Variants in SCP2 observed in about 807,000 individuals in gnomAD.
SCP2 encodes sterol carrier protein 2.
SCP2 carries 48 observed loss-of-function variants against 71.4 expected under a neutral mutation model. That is an observed-to-expected ratio of 0.67 (90% confidence interval 0.53 to 0.86). SCP2 has a LOEUF of 0.86. Ranked by LOEUF, SCP2 falls within the 40% of genes least tolerant of loss-of-function variation. The probability of loss-of-function intolerance (pLI) is 0.00; values close to 1 mark genes in which losing one functional copy is unlikely to be tolerated. For missense variants in SCP2, 560 were observed against 655.6 expected (o/e 0.85, Z 1.59); for synonymous variants, 220 against 218.1 (o/e 1.01, Z -0.08).
chr1:53,015,735 T>C (rs779164812), intron 12 of SCP2, among the ~76,000 whole-genome samples: 52 of 152,214 alleles, frequency 3.4e-4, no homozygotes, highest in Non-Finnish European at 6.2e-4. Context: ...AGATCTCTTT[T>C]TCTCCTTGCC....
At chr1:53,030,440 G>A (rs1013165010) in intron 13 of SCP2, among the ~76,000 whole-genome samples, 7 of 152,182 alleles carry the variant, frequency 4.6e-5, no homozygotes, top group Non-Finnish European at 1.0e-4. Flanking sequence ...CCACCAGAAA[G>A]AGAGTACTAA....
chr1:52,982,526 T>A (rs1169170307), intron 10 of SCP2, among the ~76,000 whole-genome samples: 1 of 151,992 alleles, frequency 6.6e-6, no homozygotes, highest in Non-Finnish European at 1.5e-5. Context: ...GCTGATATCA[T>A]ACCACTGCAC....
intron 5 of SCP2, 39 bp from the exon 6 acceptor site, chr1:52,961,464 C>A: frequency 6.2e-7 from 1 of 1,608,754 alleles, no homozygotes; most frequent in South Asian, 1.1e-5. Context: ...AGACACTTAT[C>A]ATGTCAGCTG....
In SCP2 at chr1:52,999,812, C is replaced by CTTTTTTTTTTTT. The variant is rs1557598899; in HGVS notation, c.1081+11678_1081+11679insTTTTTTTTTTTT. ...TATACTATCCAACACTTACTGAACA[C>CTTTTTTTTTTTT]TTGTTTTTTTTTTTTTTTTTTTGAG... On this transcript the variant is annotated intron_variant, in intron 11 of 15. Transcript: ENST00000371514. 1.0e-4 allele frequency among the ~76,000 whole-genome samples: 12 copies of CTTTTTTTTTTTT among 119,918 alleles called. No homozygotes were observed. In the East Asian group the frequency reaches 1.6e-3, roughly 16 times the overall value. The allele number at this position is 119,918 out of a possible 152,430, so 78.7% of individuals were successfully genotyped here.
chr1:52,938,516 T>G (rs1347816549), intron 1 of SCP2, among the ~76,000 whole-genome samples: 1 of 152,208 alleles, frequency 6.6e-6, no homozygotes, highest in East Asian at 1.9e-4. Context: ...TTCAGAATTA[T>G]GCTAGTTGGT....
chr1:52,980,578 A>C (rs373698541), intron 10 of SCP2, 35 bp downstream of exon 10: 1 of 1,588,414 alleles, frequency 6.3e-7, no homozygotes. Flanking sequence ...TAATTCAGTA[A>C]ATTTCACTGA....
Position 53,013,421 on chromosome 1 carries a change from T to TG in SCP2, c.1082-1469_1082-1468insG, listed in dbSNP as rs1661111993. Among the ~76,000 whole-genome samples the TG allele has an allele frequency of 1.4e-4, 16 of 117,192 alleles. No homozygotes were observed. The South Asian group carries it at 4.2e-3, about 31-fold the overall frequency. 76.9% of individuals were successfully genotyped at this position (117,192 alleles called of 152,430 possible). A position where few individuals can be genotyped will look rare whatever the true frequency, so the allele number is the denominator to read the frequency against. ...GAATATAGTGAAACCCCGTCTCTACTAAAAAAAAAAAAAAAAAAAAAAAAA... is the reference window on the plus strand; with the variant it reads ...GAATATAGTGAAACCCCGTCTCTACTGAAAAAAAAAAAAAAAAAAAAAAAAA... On this transcript the variant is annotated intron_variant, in intron 11 of 15. Transcript: ENST00000371514.
chr1:53,028,176 T>A, intron 13 of SCP2, 105 bp downstream of exon 13: 1 of 690,160 alleles, frequency 1.4e-6, no homozygotes, highest in Non-Finnish European at 2.7e-6. Context: ...ATTTATATCA[T>A]GTTGTCAAGT....
chr1:52,930,363 G>T (rs12093036), intron 1 of SCP2, among the ~76,000 whole-genome samples: 5,321 of 152,006 alleles, frequency 0.035, 325 homozygotes, highest in African/African-American at 0.12. Flanking sequence ...GGTAGCTCAT[G>T]CCTGAAATCT....
At chr1:53,005,665 G>A (rs566385396) in intron 11 of SCP2, among the ~76,000 whole-genome samples, 2 of 152,304 alleles carry the variant, frequency 1.3e-5, no homozygotes, top group South Asian at 4.1e-4. Context: ...CCACAAAGAT[G>A]AGGAGAAACT....
intron 13 of SCP2, among the ~76,000 whole-genome samples, chr1:53,037,233 T>A (rs72903185): frequency 0.098 from 14,929 of 152,156 alleles, 1,441 homozygotes; most frequent in African/African-American, 0.22. Context: ...TAAATGTTCC[T>A]TCTCTAAAAA....
intron 13 of SCP2, among the ~76,000 whole-genome samples, chr1:53,032,961 G>GT (rs1302701494): frequency 1.3e-5 from 2 of 152,142 alleles, no homozygotes; most frequent in African/African-American, 4.8e-5. Context: ...ATTGTTAGTA[G>GT]TTTTTTTCTA....
At chr1:53,020,789 T>C (rs1661662901) in intron 12 of SCP2, among the ~76,000 whole-genome samples, 1 of 152,174 alleles carries the variant, frequency 6.6e-6, no homozygotes, top group Non-Finnish European at 1.5e-5. Context: ...CTCTCAACTC[T>C]GTGGGCTGTA....
intron 15 of SCP2, 188 bp downstream of exon 15, chr1:53,048,125 G>T: frequency 1.7e-6 from 1 of 598,460 alleles, no homozygotes; most frequent in Non-Finnish European, 3.1e-6. Flanking sequence ...GAAGTGCCCA[G>T]AAGAGTAAGA....
At chr1:53,047,988 T>C in intron 15 of SCP2, 51 bp downstream of exon 15, 1 of 1,213,308 alleles carries the variant, frequency 8.2e-7, no homozygotes, top group Non-Finnish European at 1.2e-6. Context: ...TTTCAGCCCT[T>C]TCTACTCCAT....
At chr1:52,982,501 C>T (rs910907464) in intron 10 of SCP2, among the ~76,000 whole-genome samples, 2 of 151,974 alleles carry the variant, frequency 1.3e-5, no homozygotes, top group South Asian at 2.1e-4. Context: ...ACCTGGGAGG[C>T]GGAGCTTGCA....
chr1:52,987,249 T>C (rs1475188560), intron 10 of SCP2, among the ~76,000 whole-genome samples: 3 of 151,986 alleles, frequency 2.0e-5, no homozygotes, highest in Admixed American at 2.0e-4. Context: ...GTTGAATCCA[T>C]GATGTGGAAC....
intron 12 of SCP2, among the ~76,000 whole-genome samples, chr1:53,020,389 G>A (rs767313375): frequency 3.3e-5 from 5 of 152,136 alleles, no homozygotes; most frequent in African/African-American, 9.7e-5. Context: ...ATTTCCCAGT[G>A]CATTTTCCTT....
chr1:53,035,591 G>A (rs1662867629), intron 13 of SCP2, among the ~76,000 whole-genome samples: 1 of 149,610 alleles, frequency 6.7e-6, no homozygotes, highest in Non-Finnish European at 1.5e-5. Context: ...AAAGGAAAAT[G>A]TGTCCAAAAA....
Sources: allele counts gnomAD v4.1 joint callset (sites outside exome capture counted in the v4.1 genomes callset), GRCh38; gene constraint gnomAD v4.1.1; transcripts MANE v1.5; gene names NCBI Gene and HGNC (gene_info 2026-07-23, HGNC 2026-07-21).